The following SUGCT variants were observed in gnomAD, a reference collection of about 807,000 sequenced individuals.
SUGCT encodes succinyl-CoA:glutarate-CoA transferase.
In SUGCT, 41 loss-of-function variants were observed where a neutral mutation model predicts 55.0. The observed-to-expected ratio is 0.74, with a 90% CI of 0.58 to 0.97. The LOEUF (loss-of-function observed/expected upper bound fraction) is 0.97. SUGCT is among the 50% of genes least tolerant of loss of function. The pLI is 0.00. For synonymous variants in SUGCT, 187 were observed against 200.4 expected (o/e 0.93, Z 0.56); for missense variants, 568 against 547.8 (o/e 1.04, Z -0.37).
At chr7:40,167,429 A>G (rs1183834985) in intron 1 of SUGCT, among the ~76,000 whole-genome samples, 1 of 152,234 alleles carries the variant, frequency 6.6e-6, no homozygotes, top group Non-Finnish European at 1.5e-5. Flanking sequence ...TTGATTGTGG[A>G]GGTGATTTTG....
chr7:40,189,079 C>T (rs1399379878), intron 4 of SUGCT, among the ~76,000 whole-genome samples: 1 of 152,196 alleles, frequency 6.6e-6, no homozygotes, highest in Non-Finnish European at 1.5e-5. Flanking sequence ...CACGGTGGCT[C>T]ATGCCTTTAA....
chr7:40,836,457 T>C lies in SUGCT; in HGVS notation c.1154-23859T>C, dbSNP rs113715275. ...GACCATATGCAGATTTTACCAGTTT[T>C]ATGCGACTCATTGTGTGGTGAGCGT... On this transcript the variant is annotated intron_variant, in intron 13 of 13. Coordinates refer to ENST00000335693, the MANE Select transcript of SUGCT (RefSeq NM_001193313.2). Among the ~76,000 whole-genome samples the C allele has an allele frequency of 3.6e-3, 554 of 152,338 alleles. 6 individuals carry two copies. The highest frequency in any genetic ancestry group is 0.013 in the African/African-American group (535 of 41,576).
intron 7 of SUGCT, among the ~76,000 whole-genome samples, chr7:40,251,019 G>A (rs1305768832): frequency 7.3e-5 from 11 of 151,640 alleles, no homozygotes; most frequent in Admixed American, 7.2e-4. Flanking sequence ...TAGTGGAGAC[G>A]GGGGTTTCAC....
intron 13 of SUGCT, among the ~76,000 whole-genome samples, chr7:40,756,169 G>T (rs1584392248): frequency 6.6e-6 from 1 of 152,150 alleles, no homozygotes; most frequent in Admixed American, 6.5e-5. Context: ...CTCTGGGTTT[G>T]AGACAGTATA....
intron 1 of SUGCT, among the ~76,000 whole-genome samples, chr7:40,172,926 G>C (rs1404574496): frequency 1.3e-5 from 2 of 152,326 alleles, no homozygotes; most frequent in South Asian, 2.1e-4. Flanking sequence ...TTCTAAGGAA[G>C]GATAGGAGAG....
At chr7:40,966,938 A>T in the SUGCT span, 3 of 152,238 alleles carry the variant, frequency 2.0e-5, no homozygotes, top group African/African-American at 4.8e-5. Context: ...AGAGATGTGT[A>T]TCTTAGCTCT....
intron 12 of SUGCT, among the ~76,000 whole-genome samples, chr7:40,600,404 C>T (rs895258007): frequency 2.6e-5 from 4 of 152,194 alleles, no homozygotes; most frequent in Admixed American, 1.3e-4. Context: ...GTTACCAGGG[C>T]TGACTGATAA....
intron 13 of SUGCT, among the ~76,000 whole-genome samples, chr7:40,758,499 T>C (rs17171779): frequency 0.015 from 2,272 of 152,198 alleles, 146 homozygotes; most frequent in East Asian, 0.092. Context: ...AGAAAAACCT[T>C]CAGATACCTT....
At chr7:40,488,833 A>C (rs1302863758) in intron 11 of SUGCT, among the ~76,000 whole-genome samples, 1 of 152,152 alleles carries the variant, frequency 6.6e-6, no homozygotes, top group South Asian at 2.1e-4. Context: ...ATCTTCTGCC[A>C]GGTGTATTGA....
At chr7:40,222,986 T>TTTCCTTTCTTCC (rs1053244744) in intron 6 of SUGCT, among the ~76,000 whole-genome samples, 38 of 94,000 alleles carry the variant, frequency 4.0e-4, no homozygotes, top group African/African-American at 8.5e-4. Flanking sequence ...TTTTCATTTC[T>TTTCCTTTCTTCC]TTCCTTCCTT....
intron 12 of SUGCT, among the ~76,000 whole-genome samples, chr7:40,627,693 G>GA (rs1228173134): frequency 6.6e-6 from 1 of 152,204 alleles, no homozygotes. Flanking sequence ...AAAAGGTGGG[G>GA]GTTTGCAAAG....
chr7:40,807,887 A>G (rs1025013828), intron 13 of SUGCT, among the ~76,000 whole-genome samples: 1 of 152,226 alleles, frequency 6.6e-6, no homozygotes, highest in Non-Finnish European at 1.5e-5. Context: ...AGCACAGGAG[A>G]AAGATGCAGG....
chr7:40,781,832 TC>T (rs1789766475), intron 13 of SUGCT, among the ~76,000 whole-genome samples: 1 of 152,176 alleles, frequency 6.6e-6, no homozygotes, highest in Non-Finnish European at 1.5e-5. Flanking sequence ...GTTTTCATCT[TC>T]TTTCCTATCT....
At chr7:40,554,687 T>G (rs886284787) in intron 12 of SUGCT, among the ~76,000 whole-genome samples, 1 of 152,216 alleles carries the variant, frequency 6.6e-6, no homozygotes, top group East Asian at 1.9e-4. Context: ...CTTAGACTTG[T>G]GTTTGTCATA....
At chr7:40,516,592 C>A (rs1793245872) in intron 12 of SUGCT, among the ~76,000 whole-genome samples, 1 of 152,032 alleles carries the variant, frequency 6.6e-6, no homozygotes, top group African/African-American at 2.4e-5. Flanking sequence ...CCAGTTATTA[C>A]AAAGACTGCT....
chr7:40,557,605 T>C (rs1795616722), intron 12 of SUGCT, among the ~76,000 whole-genome samples: 1 of 151,892 alleles, frequency 6.6e-6, no homozygotes, highest in South Asian at 2.1e-4. Context: ...AAACCCCATT[T>C]CTACTAAAAA....
intron 13 of SUGCT, among the ~76,000 whole-genome samples, chr7:40,780,854 AAC>A (rs1171513064): frequency 6.6e-6 from 1 of 151,760 alleles, no homozygotes; most frequent in Non-Finnish European, 1.5e-5. Flanking sequence ...ATTTTGAGGA[AAC>A]AGTTTTCAGA....
At chr7:40,606,583 TACC>T (rs1335146629) in intron 12 of SUGCT, among the ~76,000 whole-genome samples, 1 of 152,226 alleles carries the variant, frequency 6.6e-6, no homozygotes, top group East Asian at 1.9e-4. Flanking sequence ...TAACTGCTTT[TACC>T]ACATTAAACA....
intron 8 of SUGCT, among the ~76,000 whole-genome samples, chr7:40,290,190 A>G (rs1361383914): frequency 2.6e-5 from 4 of 152,188 alleles, no homozygotes; most frequent in Non-Finnish European, 5.9e-5. Context: ...AAGAGCCCGC[A>G]TCGCCAAGTC....
Sources: allele counts gnomAD v4.1 joint callset (sites outside exome capture counted in the v4.1 genomes callset), GRCh38; gene constraint gnomAD v4.1.1; transcripts MANE v1.5; gene names NCBI Gene and HGNC (gene_info 2026-07-23, HGNC 2026-07-21).